The following ADAMTS9 variants were observed in gnomAD, a reference collection of about 807,000 sequenced individuals.
ADAMTS9 encodes the protein ADAM metallopeptidase with thrombospondin type 1 motif 9.
A neutral mutation model predicts 257.1 loss-of-function variants in ADAMTS9; 107 were observed. The observed-to-expected ratio is 0.42, with a 90% confidence interval of 0.36 to 0.49. ADAMTS9 has a LOEUF of 0.49. Ranked by LOEUF, ADAMTS9 falls within the 20% of genes least tolerant of loss-of-function variation. The pLI, the probability that ADAMTS9 is intolerant of heterozygous loss-of-function variation, is 0.03. For synonymous variants in ADAMTS9, 982 were observed against 880.9 expected, an observed-to-expected ratio of 1.11 and a Z score of -2.03; for missense variants, 2,353 against 2,469.1, an observed-to-expected ratio of 0.95 and a Z score of 1.00.
chr3:64,648,241 C>T (rs1163417928), intron 10 of ADAMTS9, among the ~76,000 whole-genome samples, 197 bp from the exon 11 acceptor site: 5 of 152,184 alleles, frequency 3.3e-5, no homozygotes, highest in African/African-American at 9.7e-5. Flanking sequence ...GTAATGGATA[C>T]CCATGTACCC....
chr3:64,536,267 G>A (rs2083048872), intron 37 of ADAMTS9, among the ~76,000 whole-genome samples: 1 of 152,172 alleles, frequency 6.6e-6, no homozygotes, highest in Non-Finnish European at 1.5e-5. Flanking sequence ...TTAGCACTCT[G>A]AAAGTTGAGT....
intron 29 of ADAMTS9, chr3:64,565,655 T>C (rs2083526412): frequency 6.6e-6 from 1 of 152,246 alleles, no homozygotes; most frequent in Non-Finnish European, 1.5e-5. Context: ...TTAAAAAAGT[T>C]TTACTGTGAA....
At chr3:64,570,945 T>C (rs2083669589) in intron 28 of ADAMTS9, among the ~76,000 whole-genome samples, 1 of 152,018 alleles carries the variant, frequency 6.6e-6, no homozygotes, top group African/African-American at 2.4e-5. Flanking sequence ...GGTGGTAAAA[T>C]TTGCTTGACT....
intron 32 of ADAMTS9, among the ~76,000 whole-genome samples, chr3:64,546,464 G>A (rs1323652028): frequency 6.6e-6 from 1 of 152,182 alleles, no homozygotes; most frequent in African/African-American, 2.4e-5. Flanking sequence ...TTTTGCAGAT[G>A]AGAAAACTGA....
intron 38 of ADAMTS9, among the ~76,000 whole-genome samples, chr3:64,529,111 C>T (rs2082945988): frequency 6.6e-6 from 1 of 152,246 alleles, no homozygotes; most frequent in South Asian, 2.1e-4. Context: ...TCCCAATCTC[C>T]TGGTGACAGC....
intron 28 of ADAMTS9, chr3:64,588,803 A>G (rs1472541970): frequency 6.6e-6 from 1 of 152,216 alleles, no homozygotes; most frequent in Non-Finnish European, 1.5e-5. Flanking sequence ...TACTGAAAAA[A>G]GATTATTAAA....
rs753560814 is a variant in ADAMTS9 at position 64,615,913 on chromosome 3, T to A, written c.3024+47A>T. 1.9e-6 allele frequency: 3 copies of A among 1,607,720 alleles called. No individual in the cohort carries two copies. The South Asian group carries it at 3.3e-5, about 18-fold the overall frequency. ...ACACCTGCAAGGAGCCACCATCAAC[T>A]AATCAGACAGCATCCAAGAAGACTC... is the stretch of plus-strand genomic sequence containing the variant. On this transcript the variant is annotated intron_variant, in intron 20 of 39. Transcript: ENST00000498707.
intron 19 of ADAMTS9, among the ~76,000 whole-genome samples, chr3:64,618,125 T>C (rs1700011328): frequency 6.6e-6 from 1 of 152,208 alleles, no homozygotes; most frequent in Admixed American, 6.5e-5. Flanking sequence ...ATCTTCTGGT[T>C]AATTTTAGGA....
chr3:64,681,140 T>C, intron 3 of ADAMTS9, 61 bp downstream of exon 3: 2 of 1,543,330 alleles, frequency 1.3e-6, no homozygotes, highest in Non-Finnish European at 1.8e-6. Flanking sequence ...TACATCTCTG[T>C]AGTATAGCAA....
At chr3:64,563,782 A>G (rs1357732655) in intron 29 of ADAMTS9, among the ~76,000 whole-genome samples, 1 of 152,236 alleles carries the variant, frequency 6.6e-6, no homozygotes, top group Admixed American at 6.5e-5. Context: ...TTTCTACATG[A>G]CTTAAGTGCT....
At position 64,687,894 on chromosome 3, in the gene ADAMTS9, C is replaced by CAGG. The variant is rs961025052; in HGVS notation, c.-240_-238dup. On this transcript the variant is annotated 5_prime_UTR_variant, in exon 1 of 40. Coordinates refer to ENST00000498707, the MANE Select transcript of ADAMTS9 (RefSeq NM_182920.2). The surrounding 1 kb of genome is among the most constrained non-coding windows in gnomAD (Gnocchi z 4.4). The stretch of plus-strand genomic sequence containing the variant: ...CGGGCCGCAGGAGGAGCCGGAGGAG[C>CAGG]AGGAGGAGGAGGAGGACTGGGGCTC... 6 of 395,308 alleles carry CAGG rather than the reference C, an allele frequency of 1.5e-5. No homozygotes were observed. In the South Asian group the frequency reaches 2.6e-4, roughly 17 times the overall value. 24.5% of individuals were successfully genotyped at this position (395,308 alleles called of 1,614,324 possible).
In ADAMTS9 at chr3:64,515,780, A is replaced by C. The variant is rs1239711765; in HGVS notation, c.*1347T>G. On this transcript the variant is annotated 3_prime_UTR_variant, in exon 40 of 40. Coordinates refer to ENST00000498707, the MANE Select transcript of ADAMTS9 (RefSeq NM_182920.2). ...CTCTAGAGCTTGTTTGGAGTTGGAG[A>C]ATACTGCCAGGCTTTTCCTAATCTC... 2.0e-5 allele frequency: 3 copies of C among 152,168 alleles called. No homozygotes were observed. Among genetic ancestry groups the C allele is most frequent in the Non-Finnish European group, 4.4e-5 (3 of 68,040 alleles). 9.4% of individuals were successfully genotyped at this position (152,168 alleles called of 1,614,324 possible). A position where few individuals can be genotyped will look rare whatever the true frequency, so the allele number is the denominator to read the frequency against.
chr3:64,660,747 AT>A (rs1553715194), intron 3 of ADAMTS9, among the ~76,000 whole-genome samples: 2 of 152,210 alleles, frequency 1.3e-5, no homozygotes, highest in Non-Finnish European at 2.9e-5. Context: ...GGTAATTCGT[AT>A]TAAGCCAAAA....
chr3:64,678,472 T>A (rs1349265427), intron 3 of ADAMTS9, among the ~76,000 whole-genome samples: 1 of 152,234 alleles, frequency 6.6e-6, no homozygotes, highest in Non-Finnish European at 1.5e-5. Flanking sequence ...CACTGATTCT[T>A]GCTTCATCAC....
chr3:64,641,194 AT>A (rs1400251117), intron 12 of ADAMTS9, among the ~76,000 whole-genome samples: 1 of 150,760 alleles, frequency 6.6e-6, no homozygotes, highest in African/African-American at 2.4e-5. Context: ...AAAATGTCCA[AT>A]TTTTTTGTTT....
At chr3:64,610,332 G>T (rs1053090936) in intron 22 of ADAMTS9, among the ~76,000 whole-genome samples, 4 of 152,078 alleles carry the variant, frequency 2.6e-5, no homozygotes, top group Non-Finnish European at 5.9e-5. Context: ...GGGGATGGGG[G>T]AAATATTTGC....
rs778701337 is a variant in ADAMTS9, at chr3:64,602,006, C to A, written c.3955G>T (p.Ala1319Ser). The A allele has an allele frequency of 2.5e-6, 4 of 1,613,810 alleles. No homozygotes were observed. The highest frequency in any genetic ancestry group is 3.4e-6 in the Non-Finnish European group (4 of 1,179,882). Residue 1319 changes from alanine (A) to serine (S), a missense_variant, in exon 26 of 40, where the codon GCC becomes TCC. By Grantham distance (99) the Ala-to-Ser change is moderately conservative. This residue lies in a region of ADAMTS9 where 1,402 missense variants were observed against 1,441.4 expected (regional missense o/e 0.97). Transcript: ENST00000498707. ...FQNEDYRPRSASPSRTHVLGG... is the reference protein window; with the variant it reads ...FQNEDYRPRSSSPSRTHVLGG... ...AGCACATGGGTGCGGCTGGGGCTGG[C>A]GCTCCGGGGACGATAGTCCTCATTT...
chr3:64,535,639 T>C (rs1245706471), intron 37 of ADAMTS9, among the ~76,000 whole-genome samples: 2 of 149,986 alleles, frequency 1.3e-5, no homozygotes, highest in African/African-American at 4.9e-5. Context: ...CTGCAACCTC[T>C]GCCTCCCGGG....
chr3:64,533,216 T>C lies in ADAMTS9; in HGVS notation c.5668A>G (p.Arg1890Gly). The change falls in exon 38 of 40, where the codon AGA (arginine) becomes GGA (glycine). Residue 1890 changes from arginine (R) to glycine (G), a missense_variant. Physicochemically the swap from Arg to Gly is moderately radical, Grantham distance 125 (BLOSUM62 -2). Around this residue, in one of 3 missense-constraint regions of ADAMTS9, gnomAD observed 1,402 missense variants for 1,441.4 expected, o/e 0.97. Transcript: ENST00000498707. ...GCATAATTCCCTTGTGATATCCATC[T>C]GGCAGATTCAGTTAAAGACAAGCCG... ...GTGLSLTESA[R>G]WISQGNYAVS... is the part of the protein sequence containing the mutation. 1 of 1,614,152 alleles carries C rather than the reference T, an allele frequency of 6.2e-7. No homozygotes were observed. Among genetic ancestry groups the C allele is most frequent in the Non-Finnish European group, 8.5e-7 (1 of 1,180,000 alleles).
Sources: allele counts gnomAD v4.1 joint callset (sites outside exome capture counted in the v4.1 genomes callset), GRCh38; gene constraint gnomAD v4.1.1; regional missense constraint gnomAD v4.1.1; non-coding constraint Gnocchi (gnomAD v3.1); transcripts MANE v1.5; gene names NCBI Gene and HGNC (gene_info 2026-07-23, HGNC 2026-07-21).